ABCA1: variants seen among roughly 807,000 people sequenced by gnomAD.
ABCA1 encodes the protein ATP binding cassette subfamily A member 1, also known as phospholipid-transporting ATPase ABCA1.
In ABCA1, 133 loss-of-function variants were observed where a neutral mutation model predicts 262.5. The observed-to-expected ratio is 0.51, with a 90% CI of 0.44 to 0.59. The LOEUF (loss-of-function observed/expected upper bound fraction) is 0.59, where lower values mean the gene tolerates loss of function less well. ABCA1 is among the 20% of genes least tolerant of loss of function. ABCA1 has a pLI of 0.00. For missense variants in ABCA1, 2,452 were observed against 2,777.5 expected (o/e 0.88, Z 2.63); for synonymous variants, 1,022 against 1,043.5 (o/e 0.98, Z 0.40).
chr9:104,820,822 C>T (rs776138002), intron 20 of ABCA1, among the ~76,000 whole-genome samples: 7 of 152,148 alleles, frequency 4.6e-5, no homozygotes, highest in Non-Finnish European at 8.8e-5. Flanking sequence ...GCAATGTTTC[C>T]CAAGCCCCCA....
intron 20 of ABCA1, 42 bp from the exon 21 acceptor site, chr9:104,820,111 A>G: frequency 1.2e-6 from 2 of 1,612,596 alleles, no homozygotes; most frequent in Non-Finnish European, 1.7e-6. Flanking sequence ...CCTACTGGAT[A>G]CCCCAGAATA....
rs530609853 is a variant in ABCA1, at chr9:104,806,672, C to T, written c.4275-242G>A. On this transcript the variant is annotated intron_variant, in intron 30 of 49. Transcript: ENST00000374736. The stretch of plus-strand genomic sequence containing the variant: ...AAGTAAAATAGAATGCAAAGAGGCC[C>T]TAAATATTTACATACTGAACTCAGT... Among the ~76,000 whole-genome samples, 10 of 152,120 alleles carry T rather than the reference C, an allele frequency of 6.6e-5. No homozygotes were observed. In the South Asian group the frequency reaches 1.0e-3, roughly 16 times the overall value.
chr9:104,828,301 C>A (rs564843632), intron 15 of ABCA1, among the ~76,000 whole-genome samples: 1 of 152,122 alleles, frequency 6.6e-6, no homozygotes, highest in African/African-American at 2.4e-5. Flanking sequence ...AGGAGGGAGG[C>A]CTTGGGGGAG....
intron 1 of ABCA1, among the ~76,000 whole-genome samples, chr9:104,926,761 C>A (rs10820749): frequency 0.57 from 86,479 of 151,992 alleles, 25,493 homozygotes; most frequent in African/African-American, 0.72. Flanking sequence ...CACGGCACCA[C>A]CTCGGCCCAG....
At chr9:104,819,761 C>T in intron 21 of ABCA1, 38 bp from the exon 22 acceptor site, 1 of 1,614,004 alleles carries the variant, frequency 6.2e-7, no homozygotes, top group Non-Finnish European at 8.5e-7. Flanking sequence ...CCAGGACCAG[C>T]CCCAGACAGT....
chr9:104,815,388 G>C (rs1413784421), intron 25 of ABCA1, among the ~76,000 whole-genome samples: 1 of 152,122 alleles, frequency 6.6e-6, no homozygotes, highest in Non-Finnish European at 1.5e-5. Flanking sequence ...CTGCTGCACT[G>C]TCAAGCTTGG....
In ABCA1 at chr9:104,840,289, G is replaced by C. The variant is rs1187182686; in HGVS notation, c.1044C>G (p.Asp348Glu). The change falls in exon 9 of 50, where the codon GAC (aspartate) becomes GAG (glutamate). Residue 348 changes from aspartate to glutamate, a missense_variant. Around this residue, in one of 4 missense-constraint regions of ABCA1, gnomAD observed 1,032 missense variants for 1,089.7 expected, o/e 0.95. Transcript: ENST00000374736. ...GTEEDAETFY[D>E]NSTTPYCNDL... ...TGCATGGACACTCACTTGTAGAGTTGTCATAGAAGGTTTCAGCATCTTCCT... is the reference window on the plus strand; with the variant it reads ...TGCATGGACACTCACTTGTAGAGTTCTCATAGAAGGTTTCAGCATCTTCCT... The C allele has an allele frequency of 6.2e-7, 1 of 1,614,230 alleles. No individual in the cohort carries two copies. Among genetic ancestry groups the C allele is most frequent in the Non-Finnish European group, 8.5e-7 (1 of 1,180,044 alleles).
intron 1 of ABCA1, among the ~76,000 whole-genome samples, chr9:104,904,405 T>A (rs556888075): frequency 6.6e-6 from 1 of 151,798 alleles, no homozygotes; most frequent in African/African-American, 2.4e-5. Flanking sequence ...CCGTCTCTAC[T>A]AAAAATACAA....
intron 2 of ABCA1, among the ~76,000 whole-genome samples, chr9:104,891,006 A>G (rs1839688819): frequency 6.6e-6 from 1 of 152,002 alleles, no homozygotes; most frequent in Non-Finnish European, 1.5e-5. Context: ...ATACTTTTGT[A>G]TTCTGTTTTT....
chr9:104,837,418 G>C lies in ABCA1; in HGVS notation c.1194+10C>G, dbSNP rs904589547. ...TCTGGGGAGGGAGTCTTGGGCTGGG[G>C]GCAGCTTACCTCAGCCATGACCTGC... is the stretch of plus-strand genomic sequence containing the variant. On this transcript the variant is annotated intron_variant, in intron 10 of 49. Transcript: ENST00000374736. The C allele has an allele frequency of 6.2e-7, 1 of 1,613,782 alleles. No homozygotes were observed. Among genetic ancestry groups the C allele is most frequent in the Non-Finnish European group, 8.5e-7 (1 of 1,179,898 alleles).
intron 29 of ABCA1, 142 bp from the exon 30 acceptor site, chr9:104,809,706 A>G (rs1382758593): frequency 6.2e-6 from 5 of 803,504 alleles, no homozygotes; most frequent in Non-Finnish European, 1.0e-5. Flanking sequence ...AAACACAGAA[A>G]CCACCCAGAA....
intron 4 of ABCA1, among the ~76,000 whole-genome samples, chr9:104,884,123 C>T (rs1304576135): frequency 6.6e-6 from 1 of 152,188 alleles, no homozygotes; most frequent in Non-Finnish European, 1.5e-5. Context: ...TAGAGCCAGC[C>T]CATTCAGATG....
chr9:104,788,651 T>C (rs1340085756), intron 44 of ABCA1, 84 bp from the exon 45 acceptor site: 1 of 1,499,818 alleles, frequency 6.7e-7, no homozygotes, highest in African/African-American at 1.4e-5. Flanking sequence ...TCCTGTAAAG[T>C]ATGCTTCTCC....
intron 6 of ABCA1, among the ~76,000 whole-genome samples, chr9:104,860,813 A>G (rs2482422): frequency 0.38 from 54,922 of 146,398 alleles, 12,032 homozygotes; most frequent in African/African-American, 0.62. Context: ...CTGGAGTGCA[A>G]TGGCGTGATA....
intron 1 of ABCA1, among the ~76,000 whole-genome samples, chr9:104,925,399 G>C (rs1319794553): frequency 7.2e-6 from 1 of 139,314 alleles, no homozygotes; most frequent in East Asian, 2.3e-4. Context: ...ATGTGCCCAG[G>C]GTCCATTATA....
chr9:104,863,259 G>A (rs921803661), intron 5 of ABCA1, among the ~76,000 whole-genome samples: 2 of 152,140 alleles, frequency 1.3e-5, no homozygotes, highest in African/African-American at 4.8e-5. Context: ...CTATGACTCC[G>A]AAACAGTATA....
intron 8 of ABCA1, among the ~76,000 whole-genome samples, chr9:104,844,286 G>A (rs543394279): frequency 6.8e-6 from 1 of 146,830 alleles, no homozygotes; most frequent in South Asian, 2.2e-4. Flanking sequence ...AACCCCAGTT[G>A]GTCCAGCTTC....
intron 5 of ABCA1, 86 bp downstream of exon 5, chr9:104,882,953 C>G (rs1588497447): frequency 1.0e-5 from 13 of 1,293,090 alleles, no homozygotes; most frequent in Non-Finnish European, 1.5e-5. Flanking sequence ...CTAATGGGAA[C>G]AAGCCCCAGA....
chr9:104,824,026 T>C (rs1832603555), intron 18 of ABCA1, among the ~76,000 whole-genome samples: 1 of 152,168 alleles, frequency 6.6e-6, no homozygotes. Context: ...TGGGTAATGA[T>C]TACATTATGA....
Sources: allele counts gnomAD v4.1 joint callset (sites outside exome capture counted in the v4.1 genomes callset), GRCh38; gene constraint gnomAD v4.1.1; regional missense constraint gnomAD v4.1.1; transcripts MANE v1.5; gene names NCBI Gene and HGNC (gene_info 2026-07-23, HGNC 2026-07-21).